AKAP6: variants seen among roughly 807,000 people sequenced by gnomAD.
The protein encoded by AKAP6 is A-kinase anchor protein 6.
In AKAP6, 58 loss-of-function variants were observed where a neutral mutation model predicts 188.5. The observed-to-expected ratio is 0.31, with a 90% CI of 0.25 to 0.38. The LOEUF is 0.38. AKAP6 is among the 10% of genes least tolerant of loss of function. The probability of loss-of-function intolerance (pLI) is 1.00; values close to 1 mark genes in which losing one functional copy is unlikely to be tolerated. For synonymous variants in AKAP6, 989 were observed against 998.6 expected, an observed-to-expected ratio of 0.99 and a Z score of 0.18; for missense variants, 2,710 against 2,740.0, an observed-to-expected ratio of 0.99 and a Z score of 0.24.
At chr14:32,338,558 G>C (rs1265288832) in intron 1 of AKAP6, among the ~76,000 whole-genome samples, 1 of 152,078 alleles carries the variant, frequency 6.6e-6, no homozygotes, top group South Asian at 2.1e-4. Context: ...GGAATAGGCA[G>C]TACCATGAGA....
chr14:32,565,245 A>C (rs1236091553), intron 4 of AKAP6, among the ~76,000 whole-genome samples: 1 of 152,236 alleles, frequency 6.6e-6, no homozygotes, highest in Non-Finnish European at 1.5e-5. Flanking sequence ...TGAGAAACCA[A>C]ATTTATGATA....
intron 1 of AKAP6, among the ~76,000 whole-genome samples, chr14:32,419,196 C>G (rs961708019): frequency 6.6e-6 from 1 of 152,118 alleles, no homozygotes; most frequent in Admixed American, 6.5e-5. Flanking sequence ...ATTATTCTTT[C>G]TGTAATAAAG....
chr14:32,615,654 G>A (rs1886544963), intron 7 of AKAP6, among the ~76,000 whole-genome samples: 1 of 141,154 alleles, frequency 7.1e-6, no homozygotes, highest in African/African-American at 2.8e-5. Context: ...GGAGTGCAGT[G>A]GCACGATATC....
intron 2 of AKAP6, among the ~76,000 whole-genome samples, chr14:32,531,667 T>C (rs560332567): frequency 3.9e-5 from 6 of 152,310 alleles, no homozygotes; most frequent in Admixed American, 3.3e-4. Context: ...CAGTCTCTAG[T>C]AGTCACTCAT....
At chr14:32,695,013 T>C (rs1162869378) in intron 8 of AKAP6, among the ~76,000 whole-genome samples, 2 of 152,240 alleles carry the variant, frequency 1.3e-5, no homozygotes, top group Non-Finnish European at 2.9e-5. Context: ...TTTTTCATTC[T>C]GTACTTTCAT....
At chr14:32,824,913 G>A (rs1050020219) in intron 13 of AKAP6, 98 bp downstream of exon 13, 18 of 904,974 alleles carry the variant, frequency 2.0e-5, no homozygotes, top group Admixed American at 2.7e-5. Flanking sequence ...GACCAGTTAC[G>A]GCAGACAGTT....
intron 11 of AKAP6, among the ~76,000 whole-genome samples, chr14:32,751,162 G>GTT (rs56406124): frequency 2.6e-5 from 4 of 151,760 alleles, no homozygotes; most frequent in Non-Finnish European, 4.4e-5. Flanking sequence ...CTGAACTTCA[G>GTT]TTTTTTTCAT....
chr14:32,623,363 T>C (rs190331239), intron 7 of AKAP6, among the ~76,000 whole-genome samples: 262 of 152,268 alleles, frequency 1.7e-3, no homozygotes, highest in African/African-American at 6.0e-3. Context: ...CTCTTGTTAG[T>C]TCTAGTATCC....
chr14:32,637,617 T>C (rs568290993), intron 7 of AKAP6, among the ~76,000 whole-genome samples: 48 of 152,036 alleles, frequency 3.2e-4, no homozygotes, highest in African/African-American at 1.1e-3. Flanking sequence ...AACCATGAGA[T>C]CTAAGTTGAA....
chr14:32,676,703 TA>T (rs1226878005), intron 7 of AKAP6, among the ~76,000 whole-genome samples: 1 of 152,272 alleles, frequency 6.6e-6, no homozygotes, highest in Non-Finnish European at 1.5e-5. Context: ...TTCAATTATA[TA>T]ACTATAGTTA....
intron 12 of AKAP6, among the ~76,000 whole-genome samples, chr14:32,800,157 T>C (rs140861917): frequency 8.6e-6 from 1 of 116,238 alleles, no homozygotes; most frequent in Non-Finnish European, 1.8e-5. Flanking sequence ...TATATACATA[T>C]ATATACACAT....
At chr14:32,362,306 A>G (rs867398560) in intron 1 of AKAP6, among the ~76,000 whole-genome samples, 3 of 152,210 alleles carry the variant, frequency 2.0e-5, no homozygotes, top group African/African-American at 7.2e-5. Flanking sequence ...ACAAAGATAA[A>G]CAAAGTATAT....
At chr14:32,716,895 T>C (rs923392576) in intron 9 of AKAP6, among the ~76,000 whole-genome samples, 1 of 152,108 alleles carries the variant, frequency 6.6e-6, no homozygotes, top group Non-Finnish European at 1.5e-5. Flanking sequence ...TGTGTTAAAA[T>C]CAAAGACTTC....
At chr14:32,652,428 A>C (rs1219147321) in intron 7 of AKAP6, among the ~76,000 whole-genome samples, 1 of 152,072 alleles carries the variant, frequency 6.6e-6, no homozygotes, top group African/African-American at 2.4e-5. Context: ...CCTGCCTCTT[A>C]CCCAATTTTC....
At chr14:32,337,698 A>G (rs1468372252) in intron 1 of AKAP6, among the ~76,000 whole-genome samples, 9 of 151,826 alleles carry the variant, frequency 5.9e-5, no homozygotes, top group Non-Finnish European at 1.2e-4. Flanking sequence ...CATTAGGTAT[A>G]TCTCCTAATG....
At chr14:32,547,137 A>G (rs1377351144) in intron 4 of AKAP6, 138 bp downstream of exon 4, 1 of 910,208 alleles carries the variant, frequency 1.1e-6, no homozygotes, top group Admixed American at 3.0e-5. Context: ...AAAGAAAAGA[A>G]AAAGCACAAT....
intron 11 of AKAP6, among the ~76,000 whole-genome samples, chr14:32,767,252 G>A (rs1373759702): frequency 6.6e-6 from 1 of 152,054 alleles, no homozygotes; most frequent in Non-Finnish European, 1.5e-5. Flanking sequence ...GTGATATTTT[G>A]TTTCTACATT....
At position 32,526,271 on chromosome 14, in the gene AKAP6, C is replaced by G. The variant is rs192777653; in HGVS notation, c.325-9283C>G. Among the ~76,000 whole-genome samples the G allele has an allele frequency of 2.1e-3, 321 of 152,136 alleles. 2 individuals carry two copies. The highest frequency in any genetic ancestry group is 7.1e-3 in the African/African-American group (296 of 41,504). On this transcript the variant is annotated intron_variant, in intron 2 of 13. Transcript: ENST00000280979. ...TTTTTTTGAGACAGCCTTGCCCTGT[C>G]GCCCAGGTTGGAGTGCAGTGGCGAA...
Position 32,599,498 on chromosome 14 carries a change from A to G in AKAP6, c.2558A>G (p.His853Arg). ...CAACTTCTTGAGCTTATTGCATCTC[A>G]CAAAGCAGGTAAATCCTCCTGAAAT... is the stretch of plus-strand genomic sequence containing the variant. ...GHQLLELIAS[H>R]KAGLKDMLRM... The change falls in exon 6 of 14, where the codon CAC (histidine) becomes CGC (arginine). Residue 853 changes from histidine to arginine, a missense_variant. His to Arg is a conservative substitution (Grantham distance 29, BLOSUM62 0). Coordinates refer to ENST00000280979, the MANE Select transcript of AKAP6 (RefSeq NM_004274.5). 1 of 1,600,810 alleles carries G rather than the reference A, an allele frequency of 6.2e-7. No individual in the cohort carries two copies. The highest frequency in any genetic ancestry group is 1.1e-5 in the South Asian group (1 of 90,678).
Sources: allele counts gnomAD v4.1 joint callset (sites outside exome capture counted in the v4.1 genomes callset), GRCh38; gene constraint gnomAD v4.1.1; transcripts MANE v1.5; gene names NCBI Gene and HGNC (gene_info 2026-07-23, HGNC 2026-07-21).